NEK10: variants seen among roughly 807,000 people sequenced by gnomAD.
The protein encoded by NEK10 is NIMA related kinase 10.
In NEK10, 122 loss-of-function variants were observed where a neutral mutation model predicts 159.8. The observed-to-expected ratio is 0.76, with a 90% CI of 0.66 to 0.89. The LOEUF (loss-of-function observed/expected upper bound fraction) is 0.89, where lower values mean the gene tolerates loss of function less well. Ranked by LOEUF, NEK10 falls within the 40% of genes least tolerant of loss-of-function variation. The probability of loss-of-function intolerance (pLI) is 0.00; values close to 1 mark genes in which losing one functional copy is unlikely to be tolerated. For missense variants in NEK10, 1,342 were observed against 1,323.1 expected (o/e 1.01, Z -0.22); for synonymous variants, 466 against 457.1 (o/e 1.02, Z -0.25).
intron 22 of NEK10, among the ~76,000 whole-genome samples, chr3:27,276,892 A>G (rs1018981647): frequency 2.6e-5 from 4 of 152,124 alleles, no homozygotes; most frequent in Admixed American, 1.3e-4. Flanking sequence ...TCCAAAAACC[A>G]TCAACCAAAT....
In NEK10 at chr3:27,141,504, T is replaced by C; in HGVS notation, c.2948A>G (p.His983Arg). The C allele has an allele frequency of 6.2e-7, 1 of 1,613,090 alleles. No homozygotes were observed. The highest frequency in any genetic ancestry group is 8.5e-7 in the Non-Finnish European group (1 of 1,179,274). ...DPIQQILIQL[H>R]KIIYITQLPP... ...GACCTGTGTGATATAGATTATTTTG[T>C]GCAGCTGAATTAATATCTGCTGAAT... Residue 983 changes from histidine (H) to arginine (R), a missense_variant, in exon 31 of 36, where the codon CAC becomes CGC. Coordinates refer to ENST00000691995, the MANE Select transcript of NEK10 (RefSeq NM_001394966.1).
chr3:27,204,416 G>A (rs1286558359), intron 23 of NEK10, among the ~76,000 whole-genome samples: 3 of 115,100 alleles, frequency 2.6e-5, no homozygotes, highest in South Asian at 3.4e-4. Context: ...CCACTAACTC[G>A]TCATCTAGCA....
intron 23 of NEK10, among the ~76,000 whole-genome samples, chr3:27,209,245 C>A (rs1312261842): frequency 6.6e-6 from 1 of 152,114 alleles, no homozygotes; most frequent in Non-Finnish European, 1.5e-5. Context: ...CATTGGCCAC[C>A]CTGTATTTCA....
chr3:27,174,620 C>T, intron 27 of NEK10, 30 bp downstream of exon 27: 1 of 1,599,330 alleles, frequency 6.3e-7, no homozygotes, highest in Non-Finnish European at 8.5e-7. Context: ...ACTAGCAGTA[C>T]CTACGTTGAC....
intron 2 of NEK10, 40 bp downstream of exon 2, chr3:27,352,772 G>T: frequency 7.3e-7 from 1 of 1,372,220 alleles, no homozygotes; most frequent in Non-Finnish European, 1.0e-6. Flanking sequence ...AATGGCCACT[G>T]CCTGAGTTAA....
chr3:27,270,383 G>T (rs1288837033), intron 22 of NEK10, among the ~76,000 whole-genome samples: 2 of 152,270 alleles, frequency 1.3e-5, no homozygotes, highest in East Asian at 1.9e-4. Context: ...TCCAGCCCCA[G>T]TCCAGGCTTC....
intron 23 of NEK10, chr3:27,252,917 G>A: frequency 1.9e-6 from 1 of 513,442 alleles, no homozygotes; most frequent in South Asian, 1.4e-5. Context: ...TGAGCAGCTG[G>A]AAGTCACTTA....
intron 23 of NEK10, among the ~76,000 whole-genome samples, chr3:27,226,573 C>T (rs1952669710): frequency 6.6e-6 from 1 of 152,150 alleles, no homozygotes; most frequent in Admixed American, 6.6e-5. Flanking sequence ...TGGGTCACCT[C>T]TTTCTAGCCC....
chr3:27,295,831 G>A, intron 14 of NEK10, 141 bp from the exon 15 acceptor site: 1 of 1,153,220 alleles, frequency 8.7e-7, no homozygotes, highest in Non-Finnish European at 1.1e-6. Flanking sequence ...AACATTACAG[G>A]ACAATATTTA....
chr3:27,330,152 G>GTGTGTGTGTACA, intron 5 of NEK10, among the ~76,000 whole-genome samples: 1 of 152,154 alleles, frequency 6.6e-6, no homozygotes, highest in Non-Finnish European at 1.5e-5. Flanking sequence ...CTGTGCCTGT[G>GTGTGTGTGTACA]TGTGTGTGTA....
intron 22 of NEK10, among the ~76,000 whole-genome samples, chr3:27,266,284 A>G (rs1338522590): frequency 6.6e-6 from 1 of 151,948 alleles, no homozygotes; most frequent in African/African-American, 2.4e-5. Context: ...GACTATATCC[A>G]TTTTTTTCTT....
At position 27,109,025 on chromosome 3, in the gene NEK10, GCTTA is replaced by G. The variant is rs1183950317; in HGVS notation, c.*2243_*2246del. ...GCTGTTGTTAAAAAGGACAGCTTCT[GCTTA>G]CTTAACTTTCACTGACTTCTAGCAT... On this transcript the variant is annotated 3_prime_UTR_variant, in exon 36 of 36. Transcript: ENST00000691995. Among the ~76,000 whole-genome samples the G allele has an allele frequency of 1.3e-5, 2 of 152,216 alleles. No homozygotes were observed. Among genetic ancestry groups the G allele is most frequent in the Admixed American group, 6.5e-5 (1 of 15,280 alleles).
At position 27,152,701 on chromosome 3, in the gene NEK10, CT is replaced by C. The variant is rs565026144; in HGVS notation, c.2869+9999del. Among the ~76,000 whole-genome samples, 178 of 152,226 alleles carry C rather than the reference CT, an allele frequency of 1.2e-3. 1 individual carries two copies. The highest frequency in any genetic ancestry group is 2.1e-3 in the Non-Finnish European group (141 of 68,004). On this transcript the variant is annotated intron_variant, in intron 30 of 35. Coordinates refer to ENST00000691995, the MANE Select transcript of NEK10 (RefSeq NM_001394966.1). The stretch of plus-strand genomic sequence containing the variant: ...ATTGAATGTAAATGGCCTAAATGCT[CT>C]GCTTAAAACATACAGAACCACAGAA...
chr3:27,229,498 C>G (rs115306285), intron 23 of NEK10, among the ~76,000 whole-genome samples: 2 of 151,992 alleles, frequency 1.3e-5, no homozygotes, highest in Non-Finnish European at 2.9e-5. Flanking sequence ...ACGAGTTCCA[C>G]ATTAATGAAT....
intron 11 of NEK10, among the ~76,000 whole-genome samples, chr3:27,306,211 CA>C (rs2044232272): frequency 6.6e-6 from 1 of 152,180 alleles, no homozygotes; most frequent in Admixed American, 6.5e-5. Context: ...ATTTCCTGGG[CA>C]ACGTTGGGAT....
chr3:27,358,016 A>G (rs2048434730), intron 1 of NEK10, among the ~76,000 whole-genome samples: 1 of 152,240 alleles, frequency 6.6e-6, no homozygotes, highest in Non-Finnish European at 1.5e-5. Context: ...TAAAAATAGA[A>G]AACCACTGAT....
At chr3:27,367,763 T>C (rs1340000023) in intron 1 of NEK10, among the ~76,000 whole-genome samples, 1 of 152,056 alleles carries the variant, frequency 6.6e-6, no homozygotes, top group Non-Finnish European at 1.5e-5. Context: ...TCAAGCAACA[T>C]ACAGAAAATG....
At chr3:27,156,801 C>G (rs1945478920) in intron 30 of NEK10, among the ~76,000 whole-genome samples, 1 of 150,592 alleles carries the variant, frequency 6.6e-6, no homozygotes, top group East Asian at 2.0e-4. Context: ...GGGTATCTAC[C>G]CAGAGGAAAA....
Position 27,352,812 on chromosome 3 carries a change from C to T in NEK10, c.71G>A (p.Arg24Lys), listed in dbSNP as rs764074475. ...STDKQQEITI[R>K]DYSDLKRLRC... ...TAGCAAACACTCAGTAGGGAGTTAC[C>T]TGATGGTGATTTCTTGCTGTTTATC... The change falls in exon 2 of 36, where the codon AGG becomes AAG. Residue 24 changes from arginine (R) to lysine (K), a missense_variant and splice_region_variant. Physicochemically the swap from Arg to Lys is conservative, Grantham distance 26. Transcript: ENST00000691995. 3.7e-6 allele frequency: 6 copies of T among 1,600,216 alleles called. No individual in the cohort carries two copies. The South Asian group carries it at 6.6e-5, about 18-fold the overall frequency.
Sources: gnomAD v4.1 joint callset for allele counts (sites outside exome capture counted in the v4.1 genomes callset) on GRCh38, gnomAD v4.1.1 for gene constraint, MANE v1.5 for transcripts, NCBI Gene and HGNC (gene_info 2026-07-23, HGNC 2026-07-21) for gene names.